Variants in DYNC2H1 observed in about 807,000 individuals in gnomAD.
DYNC2H1 encodes dynein cytoplasmic 2 heavy chain 1.
In DYNC2H1, 410 loss-of-function variants were observed where a neutral mutation model predicts 570.0. The ratio of observed to expected loss-of-function variants is 0.72; its 90% CI spans 0.66 to 0.78. The LOEUF is 0.78. Ranked by LOEUF, DYNC2H1 falls within the 30% of genes least tolerant of loss-of-function variation. DYNC2H1 has a pLI of 0.00. For missense variants in DYNC2H1, 4,865 were observed against 5,046.4 expected (o/e 0.96, Z 1.09); for synonymous variants, 1,688 against 1,677.6 (o/e 1.01, Z -0.15).
At position 103,254,480 on chromosome 11, in the gene DYNC2H1, A is replaced by G. The variant is rs1864964290; in HGVS notation, c.10207-935A>G. 1.3e-5 allele frequency among the ~76,000 whole-genome samples: 2 copies of G among 152,268 alleles called. No individual in the cohort carries two copies. Among genetic ancestry groups the G allele is most frequent in the African/African-American group, 2.4e-5 (1 of 41,476 alleles). ...TTCACAGATAACAGCTTTAACAAAT[A>G]CAATGTACATACCATACAACTTGCT... On this transcript the variant is annotated intron_variant, in intron 66 of 88. Transcript: ENST00000375735. The surrounding 1 kb of genome is among the most constrained non-coding windows in gnomAD (Gnocchi z 4.9).
Position 103,116,680 on chromosome 11 carries a change from T to G in DYNC2H1, c.732T>G (p.Pro244=), listed in dbSNP as rs1858416658. The change falls in exon 5 of 89, where the codon CCT becomes CCG. Residue 244 remains proline (P), a synonymous_variant. Coordinates refer to ENST00000375735, the MANE Select transcript of DYNC2H1 (RefSeq NM_001377.3). Reference sequence around the variant, plus strand: ...GACAAACAGAACATGATCATTATCCTGAGTCACGAATGTTGCATCTCTTAG... The same window carrying G: ...GACAAACAGAACATGATCATTATCCGGAGTCACGAATGTTGCATCTCTTAG... ...VWRQTEHDHY[P]ESRMLHLLDI... is the part of the protein sequence containing the mutation. 1 of 1,604,418 alleles carries G rather than the reference T, an allele frequency of 6.2e-7. No individual in the cohort carries two copies. Among genetic ancestry groups the G allele is most frequent in the Non-Finnish European group, 8.5e-7 (1 of 1,174,778 alleles).
intron 21 of DYNC2H1, 81 bp downstream of exon 21, chr11:103,152,366 G>T (rs1860603126): frequency 3.0e-6 from 4 of 1,323,568 alleles, no homozygotes; most frequent in East Asian, 2.5e-5. Flanking sequence ...TTCCTTTATA[G>T]CCCAGGTTTA....
chr11:103,114,968 G>A (rs1236375563), intron 3 of DYNC2H1, among the ~76,000 whole-genome samples: 1 of 152,016 alleles, frequency 6.6e-6, no homozygotes, highest in Non-Finnish European at 1.5e-5. Flanking sequence ...AAAGCACACA[G>A]ATCTAAAAAA....
Position 103,291,350 on chromosome 11 carries a change from A to G in DYNC2H1, c.11095+3745A>G, listed in dbSNP as rs187702771. ...CTACTCAGGAGGCTGAGGTGGGACA[A>G]TTGCTTGACCCACAAGGCGAAGGGT... On this transcript the variant is annotated intron_variant, in intron 75 of 88. Transcript: ENST00000375735. 3.6e-3 allele frequency among the ~76,000 whole-genome samples: 548 copies of G among 152,254 alleles called. 4 individuals carry two copies. Among genetic ancestry groups the G allele is most frequent in the African/African-American group, 0.013 (525 of 41,550 alleles).
intron 78 of DYNC2H1, among the ~76,000 whole-genome samples, chr11:103,311,144 T>C (rs1867569865): frequency 6.6e-6 from 1 of 152,174 alleles, no homozygotes; most frequent in South Asian, 2.1e-4. Flanking sequence ...TTGGAAGAAA[T>C]ATTTTATTTT....
intron 83 of DYNC2H1, among the ~76,000 whole-genome samples, chr11:103,391,760 C>T (rs2566935): frequency 0.48 from 72,408 of 152,160 alleles, 17,820 homozygotes; most frequent in Non-Finnish European, 0.55. Context: ...GCTGGAGGTC[C>T]GCTCCAGACC....
intron 83 of DYNC2H1, among the ~76,000 whole-genome samples, chr11:103,378,623 G>A (rs1479690300): frequency 1.3e-5 from 2 of 152,156 alleles, no homozygotes; most frequent in Admixed American, 6.6e-5. Flanking sequence ...ATAATCAGTG[G>A]TGTCTGGCTC....
chr11:103,341,913 AGAAAT>A (rs1269757826), intron 82 of DYNC2H1, among the ~76,000 whole-genome samples: 1 of 152,182 alleles, frequency 6.6e-6, no homozygotes, highest in Non-Finnish European at 1.5e-5. Context: ...GGCTATTTCC[AGAAAT>A]TCAGTTCTTT....
At chr11:103,240,124 T>C (rs1172565511) in intron 63 of DYNC2H1, among the ~76,000 whole-genome samples, 1 of 152,140 alleles carries the variant, frequency 6.6e-6, no homozygotes, top group East Asian at 1.9e-4. Context: ...GTCTAAAAGG[T>C]TGGGGCAAGC....
intron 84 of DYNC2H1, among the ~76,000 whole-genome samples, chr11:103,401,584 G>A (rs1385253628): frequency 6.6e-6 from 1 of 152,096 alleles, no homozygotes; most frequent in African/African-American, 2.4e-5. Flanking sequence ...ATGTCTGCCT[G>A]TTTGAGTTCT....
chr11:103,325,148 C>G lies in DYNC2H1; in HGVS notation c.12039+1158C>G, dbSNP rs1348525394. ...AGTACTTAGTTTGCAAACATTTTCT[C>G]CTATTCTGTAGGTTGTCTGTTTACT... On this transcript the variant is annotated intron_variant, in intron 82 of 88. Coordinates refer to ENST00000375735, the MANE Select transcript of DYNC2H1 (RefSeq NM_001377.3). The surrounding 1 kb of genome is among the most constrained non-coding windows in gnomAD (Gnocchi z 4.8). 1.3e-5 allele frequency among the ~76,000 whole-genome samples: 2 copies of G among 152,206 alleles called. No individual in the cohort carries two copies. Among genetic ancestry groups the G allele is most frequent in the East Asian group, 1.9e-4 (1 of 5,176 alleles).
chr11:103,453,940 T>C (rs1944700157), intron 85 of DYNC2H1, among the ~76,000 whole-genome samples: 1 of 151,998 alleles, frequency 6.6e-6, no homozygotes. Context: ...AGCGCTATCA[T>C]TGTAAAGGAT....
chr11:103,469,589 A>G (rs1029249656), intron 88 of DYNC2H1, among the ~76,000 whole-genome samples: 1 of 152,208 alleles, frequency 6.6e-6, no homozygotes, highest in Admixed American at 6.5e-5. Context: ...AATCTTAAAA[A>G]GCGATAGCAG....
intron 88 of DYNC2H1, among the ~76,000 whole-genome samples, chr11:103,474,639 TGAGA>T: frequency 6.6e-6 from 1 of 152,232 alleles, no homozygotes; most frequent in South Asian, 2.1e-4. Flanking sequence ...ATAGGTATTT[TGAGA>T]GAGAGAGACC....
At chr11:103,375,056 C>A (rs1044228374) in intron 83 of DYNC2H1, among the ~76,000 whole-genome samples, 1 of 152,184 alleles carries the variant, frequency 6.6e-6, no homozygotes, top group Non-Finnish European at 1.5e-5. Context: ...TTGCTGTGTG[C>A]AGCCTTGGGA....
chr11:103,399,793 C>T lies in DYNC2H1; in HGVS notation c.12287C>T (p.Ala4096Val), dbSNP rs767187123. ...CAAAGTGTCCACCAGTCTCTTGCTG[C>T]TCTCAGCAAAGTCATCAGAGGAACT... ...LVQSVHQSLA[A>V]LSKVIRGTTL... The change falls in exon 84 of 89, where the codon GCT becomes GTT. Residue 4096 changes from alanine to valine, a missense_variant. This residue lies in a region of DYNC2H1 where 2,401 missense variants were observed against 2,454.6 expected (regional missense o/e 0.98). Coordinates refer to ENST00000375735, the MANE Select transcript of DYNC2H1 (RefSeq NM_001377.3). 1 of 1,613,946 alleles carries T rather than the reference C, an allele frequency of 6.2e-7. No individual in the cohort carries two copies. Among genetic ancestry groups the T allele is most frequent in the Non-Finnish European group, 8.5e-7 (1 of 1,179,860 alleles).
chr11:103,389,001 A>T (rs1419968246), intron 83 of DYNC2H1, among the ~76,000 whole-genome samples: 1 of 152,136 alleles, frequency 6.6e-6, no homozygotes. Context: ...TGTTATGAGG[A>T]TGATGCTGGC....
In DYNC2H1 at chr11:103,304,515, A is replaced by C. The variant is rs1175705761; in HGVS notation, c.11257-80A>C. 2.8e-6 allele frequency: 4 copies of C among 1,437,030 alleles called. No homozygotes were observed. The African/African-American group carries it at 5.7e-5, about 20-fold the overall frequency. 89.0% of individuals were successfully genotyped at this position (1,437,030 alleles called of 1,614,324 possible). A position where few individuals can be genotyped will look rare whatever the true frequency, so the allele number is the denominator to read the frequency against. ...CAGTTAGGAAGGTTTAGGGATTACT[A>C]TTATTGAATCTCATACTGTTATATT... is the stretch of plus-strand genomic sequence containing the variant. On this transcript the variant is annotated intron_variant, in intron 76 of 88. Transcript: ENST00000375735.
At chr11:103,301,187 A>G (rs960455072) in intron 75 of DYNC2H1, among the ~76,000 whole-genome samples, 3 of 151,926 alleles carry the variant, frequency 2.0e-5, no homozygotes, top group Admixed American at 2.0e-4. Context: ...TTGTAACTTC[A>G]GTTTTAATGT....
Sources: gnomAD v4.1 joint callset for allele counts (sites outside exome capture counted in the v4.1 genomes callset) on GRCh38, gnomAD v4.1.1 for gene constraint, gnomAD v4.1.1 regional missense constraint, Gnocchi (gnomAD v3.1) non-coding constraint, MANE v1.5 for transcripts, NCBI Gene and HGNC (gene_info 2026-07-23, HGNC 2026-07-21) for gene names.